The following ANK2 variants were observed in gnomAD, a reference collection of about 807,000 sequenced individuals.
ANK2 encodes the protein ankyrin-2.
A neutral mutation model predicts 360.5 loss-of-function variants in ANK2; 83 were observed. The observed-to-expected ratio is 0.23, with a 90% CI of 0.19 to 0.28. The LOEUF (loss-of-function observed/expected upper bound fraction) is 0.28. ANK2 is among the 10% of genes least tolerant of loss of function. The pLI is 1.00. For synonymous variants in ANK2, 1,740 were observed against 1,759.5 expected, an observed-to-expected ratio of 0.99 and a Z score of 0.28; for missense variants, 4,201 against 4,795.7, an observed-to-expected ratio of 0.88 and a Z score of 3.66.
chr4:112,924,792 C>T (rs1373193438), intron 2 of ANK2, among the ~76,000 whole-genome samples: 2 of 146,812 alleles, frequency 1.4e-5, no homozygotes, highest in Non-Finnish European at 3.0e-5. Context: ...TATAATTTTT[C>T]TTCATACTTT....
At chr4:112,965,636 G>T (rs1032899290) in intron 2 of ANK2, among the ~76,000 whole-genome samples, 1 of 152,076 alleles carries the variant, frequency 6.6e-6, no homozygotes, top group Non-Finnish European at 1.5e-5. Context: ...ACTTTGAATT[G>T]ATTTTCATAT....
chr4:112,781,007 T>C, the ANK2 span, among the ~76,000 whole-genome samples: 2 of 152,346 alleles, frequency 1.3e-5, no homozygotes, highest in East Asian at 1.9e-4. Context: ...AAAAAAGTTA[T>C]TATTTTTTTG....
chr4:112,854,577 G>A (rs2065869735), intron 1 of ANK2, among the ~76,000 whole-genome samples: 8 of 152,042 alleles, frequency 5.3e-5, no homozygotes. Context: ...AATGAGAGGA[G>A]GTTAAATCCA....
At chr4:113,258,520 A>G in intron 13 of ANK2, 109 bp downstream of exon 13, 1 of 1,020,854 alleles carries the variant, frequency 9.8e-7, no homozygotes, top group Admixed American at 1.8e-5. Context: ...TAAGCAACCA[A>G]GCTTTGAGAA....
rs2096584172 is a variant in ANK2, at chr4:113,367,592, T to C, written c.11059T>C (p.Cys3687Arg). ...EGFSVLQEEL[C>R]TAQHKQKEEQ... ...GTTCTCGGTACTTCAAGAGGAGTTA[T>C]GCACTGCACAGCACAAGCAGAAAGA... The change falls in exon 42 of 46, where the codon TGC becomes CGC. Residue 3687 changes from cysteine (C) to arginine (R), a missense_variant. Physicochemically the swap from Cys to Arg is radical, Grantham distance 180 (BLOSUM62 -3). Transcript: ENST00000357077. The C allele has an allele frequency of 6.2e-7, 1 of 1,613,838 alleles. No homozygotes were observed. Among genetic ancestry groups the C allele is most frequent in the African/African-American group, 1.3e-5 (1 of 74,858 alleles).
At chr4:113,065,570 C>G (rs2075272496) in intron 1 of ANK2, among the ~76,000 whole-genome samples, 1 of 152,154 alleles carries the variant, frequency 6.6e-6, no homozygotes, top group African/African-American at 2.4e-5. Context: ...CAGACACGGG[C>G]CTAGAACTCA....
chr4:112,934,382 C>T (rs2093548698), intron 2 of ANK2, among the ~76,000 whole-genome samples: 3 of 152,184 alleles, frequency 2.0e-5, no homozygotes, highest in Non-Finnish European at 4.4e-5. Context: ...CTTCATGAGT[C>T]CCTGTTGCTC....
intron 1 of ANK2, chr4:113,106,993 G>A (rs17625836): frequency 0.19 from 95,084 of 503,914 alleles, 9,448 homozygotes; most frequent in Non-Finnish European, 0.21. Context: ...TGCATACTTG[G>A]TGTCAAATGG....
chr4:112,758,404 G>C, the ANK2 span, among the ~76,000 whole-genome samples: 1 of 151,962 alleles, frequency 6.6e-6, no homozygotes, highest in Non-Finnish European at 1.5e-5. Flanking sequence ...AGGAAATGCT[G>C]TCTATTTTTA....
At chr4:113,111,040 G>A (rs1248778945) in intron 1 of ANK2, among the ~76,000 whole-genome samples, 4 of 152,026 alleles carry the variant, frequency 2.6e-5, no homozygotes, top group Admixed American at 2.6e-4. Context: ...CAGAATAATA[G>A]CCCAGTCATT....
intron 31 of ANK2, 73 bp downstream of exon 31, chr4:113,336,854 C>A: frequency 1.4e-6 from 2 of 1,434,540 alleles, no homozygotes; most frequent in Non-Finnish European, 2.0e-6. Context: ...TATTAAATTA[C>A]CTTTGTCATA....
intron 1 of ANK2, among the ~76,000 whole-genome samples, chr4:113,070,330 C>T: frequency 6.6e-6 from 1 of 150,654 alleles, no homozygotes; most frequent in East Asian, 1.9e-4. Context: ...CAGCATTGTC[C>T]ACCTTTATCA....
intron 1 of ANK2, among the ~76,000 whole-genome samples, chr4:112,878,625 C>T (rs961173823): frequency 6.6e-6 from 1 of 152,020 alleles, no homozygotes; most frequent in Non-Finnish European, 1.5e-5. Context: ...TGTGCCCAGC[C>T]CTGACTCTTA....
intron 26 of ANK2, among the ~76,000 whole-genome samples, chr4:113,327,872 CG>C (rs2090823297): frequency 6.6e-6 from 1 of 152,056 alleles, no homozygotes; most frequent in African/African-American, 2.4e-5. Flanking sequence ...AGCATAGAAA[CG>C]GAACTATAGA....
At chr4:112,993,436 G>A (rs781608803) in intron 2 of ANK2, among the ~76,000 whole-genome samples, 5 of 151,694 alleles carry the variant, frequency 3.3e-5, no homozygotes, top group East Asian at 4.0e-4. Context: ...GGAGTAGCTG[G>A]GATTACAGGT....
chr4:112,930,446 C>A (rs2093075518), intron 2 of ANK2, among the ~76,000 whole-genome samples: 1 of 139,950 alleles, frequency 7.1e-6, no homozygotes, highest in Admixed American at 7.3e-5. Context: ...CAGACCCTGT[C>A]TCAAAAAAAA....
chr4:112,838,303 A>G (rs1236499448), intron 1 of ANK2, among the ~76,000 whole-genome samples: 1 of 152,160 alleles, frequency 6.6e-6, no homozygotes, highest in Non-Finnish European at 1.5e-5. Flanking sequence ...GCCATGCAGA[A>G]CTGTGAGTCA....
Position 112,906,760 on chromosome 4 carries a change from G to A in ANK2, c.21+2246G>A, listed in dbSNP as rs115097987. 2.8e-3 allele frequency among the ~76,000 whole-genome samples: 419 copies of A among 152,184 alleles called. 1 individual carries two copies. Among genetic ancestry groups the A allele is most frequent in the Middle Eastern group, 0.01 (3 of 294 alleles). Reference sequence around the variant, plus strand: ...TAGTTAATGAGGATTTGAGGAAAAGGGCAAGGATTGAAGTATCGTTTGTGG... The same window carrying A: ...TAGTTAATGAGGATTTGAGGAAAAGAGCAAGGATTGAAGTATCGTTTGTGG... On this transcript the variant is annotated intron_variant, in intron 2 of 30. Transcript: ENST00000503271.
At chr4:113,145,539 C>T in intron 1 of ANK2, 1 of 973,476 alleles carries the variant, frequency 1.0e-6, no homozygotes, top group African/African-American at 1.7e-5. Context: ...CAAAACAACA[C>T]CGCCCCCTCC....
Sources: gnomAD v4.1 joint callset for allele counts (sites outside exome capture counted in the v4.1 genomes callset) on GRCh38, gnomAD v4.1.1 for gene constraint, MANE v1.5 for transcripts, NCBI Gene and HGNC (gene_info 2026-07-23, HGNC 2026-07-21) for gene names.